The following BLTP1 variants were observed in gnomAD, a reference collection of about 807,000 sequenced individuals.
BLTP1 encodes fragile site-associated protein.
chr4:122,327,568 T>G, the BLTP1 span, among the ~76,000 whole-genome samples: 1 of 151,652 alleles, frequency 6.6e-6, no homozygotes, highest in African/African-American at 2.4e-5. Context: ...TACTCGGCTA[T>G]TTGCACATTT....
At chr4:122,301,991 A>C in the BLTP1 span, 1 of 154,206 alleles carries the variant, frequency 6.5e-6, no homozygotes, top group Non-Finnish European at 1.4e-5. Flanking sequence ...GGATTGCTTC[A>C]GTCTGGAAGT....
chr4:122,203,384 TAAG>T, the BLTP1 span, among the ~76,000 whole-genome samples: 8,622 of 151,848 alleles, frequency 0.057, 286 homozygotes, highest in Non-Finnish European at 0.074. Context: ...TTTACTCTGA[TAAG>T]GAGGAGAAGA....
the BLTP1 span, chr4:122,287,410 A>G: frequency 5.8e-6 from 1 of 170,990 alleles, no homozygotes; most frequent in Non-Finnish European, 1.2e-5. Flanking sequence ...GTCATCTGTT[A>G]TTTTCCTAAT....
the BLTP1 span, chr4:122,249,997 A>G: frequency 3.2e-6 from 3 of 951,438 alleles, no homozygotes; most frequent in Non-Finnish European, 3.8e-6. Context: ...ATCTTTGGTC[A>G]GTAGAATTAT....
At chr4:122,158,991 T>C in the BLTP1 span, among the ~76,000 whole-genome samples, 4 of 152,208 alleles carry the variant, frequency 2.6e-5, no homozygotes, top group Admixed American at 1.3e-4. Context: ...TGCTGATTTA[T>C]AGTGTTTGGA....
chr4:122,199,701 T>C, the BLTP1 span, among the ~76,000 whole-genome samples: 1 of 152,066 alleles, frequency 6.6e-6, no homozygotes, highest in Non-Finnish European at 1.5e-5. Flanking sequence ...ATATGAGAAG[T>C]TGTTAGAATA....
At chr4:122,261,059 A>G in the BLTP1 span, among the ~76,000 whole-genome samples, 6 of 152,350 alleles carry the variant, frequency 3.9e-5, no homozygotes, top group Non-Finnish European at 7.4e-5. Context: ...TCTCTGGGAA[A>G]GGGATCCAGT....
chr4:122,262,156 G>GTC, the BLTP1 span, among the ~76,000 whole-genome samples: 1 of 146,810 alleles, frequency 6.8e-6, no homozygotes, highest in Non-Finnish European at 1.5e-5. Flanking sequence ...CTTTGTGTGT[G>GTC]TGTGTGTGTG....
At chr4:122,305,616 T>A in the BLTP1 span, 13 of 970,514 alleles carry the variant, frequency 1.3e-5, no homozygotes, top group Middle Eastern at 5.3e-4. Flanking sequence ...AAATATTTAA[T>A]ACATTGCCAT....
chr4:122,169,311 G>T, the BLTP1 span, among the ~76,000 whole-genome samples: 2 of 152,088 alleles, frequency 1.3e-5, no homozygotes, highest in African/African-American at 4.8e-5. Context: ...CAGAAAACAG[G>T]TTTAGAAAGT....
chr4:122,184,083 T>G, the BLTP1 span, among the ~76,000 whole-genome samples: 1 of 152,112 alleles, frequency 6.6e-6, no homozygotes, highest in Non-Finnish European at 1.5e-5. Flanking sequence ...GACTGCAAGA[T>G]TAATAGAAGC....
chr4:122,257,475 C>T, the BLTP1 span: 1 of 1,614,034 alleles, frequency 6.2e-7, no homozygotes. Context: ...GCTGATGGAG[C>T]AGAATTTGAG....
chr4:122,289,979 G>A, the BLTP1 span: 1 of 176,194 alleles, frequency 5.7e-6, no homozygotes, highest in East Asian at 1.9e-4. Flanking sequence ...CAAAACTTAA[G>A]AATGAAGCCT....
the BLTP1 span, chr4:122,207,514 C>CTTTTTTTTTTTTTTTTTTT: frequency 1.2e-5 from 15 of 1,286,848 alleles, 1 homozygote; most frequent in South Asian, 6.2e-5. Context: ...ACTTTTTCTT[C>CTTTTTTTTTTTTTTTTTTT]TTTTTTTTTT....
chr4:122,315,348 C>G, the BLTP1 span: 2 of 1,345,924 alleles, frequency 1.5e-6, no homozygotes, highest in Non-Finnish European at 2.0e-6. Flanking sequence ...ATGTTTCTGA[C>G]AAGTTTAGCA....
chr4:122,283,093 T>C, the BLTP1 span, among the ~76,000 whole-genome samples: 2 of 152,224 alleles, frequency 1.3e-5, no homozygotes, highest in Non-Finnish European at 2.9e-5. Flanking sequence ...ATGATGTGTA[T>C]TTTTATGTCC....
the BLTP1 span, chr4:122,240,445 A>G: frequency 9.1e-7 from 1 of 1,104,560 alleles, no homozygotes; most frequent in Non-Finnish European, 1.3e-6. Context: ...CATTCTTTTT[A>G]GCTACCTTTC....
At chr4:122,185,077 T>C in the BLTP1 span, 1 of 985,212 alleles carries the variant, frequency 1.0e-6, no homozygotes, top group Non-Finnish European at 1.2e-6. Flanking sequence ...TAGTGAAATC[T>C]AAAGTAATTT....
At chr4:122,272,323 A>G in the BLTP1 span, 1 of 1,613,080 alleles carries the variant, frequency 6.2e-7, no homozygotes, top group African/African-American at 1.3e-5. Flanking sequence ...GCACACACCT[A>G]GAGGCAGATA....
Sources: allele counts gnomAD v4.1 joint callset (sites outside exome capture counted in the v4.1 genomes callset), GRCh38; gene constraint gnomAD v4.1.1; transcripts MANE v1.5; gene names NCBI Gene and HGNC (gene_info 2026-07-23, HGNC 2026-07-21).